Variants in HIBCH observed in about 807,000 individuals in gnomAD.
HIBCH encodes the protein 3-hydroxyisobutyryl-CoA hydrolase, also known as 3-hydroxyisobutyryl-CoA hydrolase, mitochondrial.
A neutral mutation model predicts 58.2 loss-of-function variants in HIBCH; 50 were observed. The observed-to-expected ratio is 0.86, with a 90% CI of 0.68 to 1.09. The LOEUF is 1.09. Among genes scored for constraint, HIBCH ranks in the 50% least tolerant of loss-of-function variants. The pLI is 0.00. For missense variants in HIBCH, 450 were observed against 449.7 expected, an observed-to-expected ratio of 1.00 and a Z score of -0.01; for synonymous variants, 151 against 146.9, an observed-to-expected ratio of 1.03 and a Z score of -0.20.
chr2:190,303,484 T>C (rs780011155), intron 2 of HIBCH, among the ~76,000 whole-genome samples: 1 of 148,572 alleles, frequency 6.7e-6, no homozygotes, highest in African/African-American at 2.5e-5. Context: ...ATGAAAGAAA[T>C]ACAAAAGCCA....
chr2:190,202,279 A>T (rs988942877), downstream of HIBCH: 1 of 167,008 alleles, frequency 6.0e-6, no homozygotes, highest in Non-Finnish European at 1.5e-5. Context: ...AATAGAGTAC[A>T]ATATCTTCTG....
In HIBCH at chr2:190,207,393, T is replaced by C. The variant is rs757617466; in HGVS notation, c.1045+1487A>G. ...AGAGAATTTGTGAGGAAAATGCCTATGTTACTTAGTTTCTACAAGACACAC... is the reference window on the plus strand; with the variant it reads ...AGAGAATTTGTGAGGAAAATGCCTACGTTACTTAGTTTCTACAAGACACAC... On this transcript the variant is annotated intron_variant, in intron 13 of 13. Transcript: ENST00000359678. The surrounding 1 kb of genome is among the most constrained non-coding windows in gnomAD (Gnocchi z 4.5). Among the ~76,000 whole-genome samples, 1 of 152,178 alleles carries C rather than the reference T, an allele frequency of 6.6e-6. No individual in the cohort carries two copies. The highest frequency in any genetic ancestry group is 1.5e-5 in the Non-Finnish European group (1 of 68,038).
Position 190,205,012 on chromosome 2 carries a change from T to G in HIBCH, c.*105A>C. 2 of 704,190 alleles carry G rather than the reference T, an allele frequency of 2.8e-6. No individual in the cohort carries two copies. The highest frequency in any genetic ancestry group is 3.1e-5 in the South Asian group (2 of 64,458). The allele number at this position is 704,190 out of a possible 1,614,324, so 43.6% of individuals were successfully genotyped here. ...CAACCATTTAAAAATGCGGAAACCA[T>G]TCTTAGCTTACAGGGTATATAAAAA... On this transcript the variant is annotated 3_prime_UTR_variant, in exon 14 of 14. Transcript: ENST00000359678.
chr2:190,251,337 A>G (rs1020282041), intron 8 of HIBCH, among the ~76,000 whole-genome samples: 3 of 152,174 alleles, frequency 2.0e-5, no homozygotes, highest in African/African-American at 7.2e-5. Flanking sequence ...ATTGAAGGAC[A>G]GAGTGTGCAT....
chr2:190,251,673 T>G, intron 8 of HIBCH: 1 of 215,160 alleles, frequency 4.6e-6, no homozygotes, highest in South Asian at 6.5e-5. Flanking sequence ...ATTGGCCACA[T>G]TGTTTTTTTT....
chr2:190,238,113 A>C lies in HIBCH; in HGVS notation c.891+6774T>G, dbSNP rs757025325. Among the ~76,000 whole-genome samples, 106 of 152,160 alleles carry C rather than the reference A, an allele frequency of 7.0e-4. 2 individuals are homozygous for C. The highest frequency in any genetic ancestry group is 4.3e-4 in the Non-Finnish European group (29 of 68,034). Reference sequence around the variant, plus strand: ...TGATTCCAAGTCTTTGCTATTGTAAATAGTGCTGCAATAAACATACATGTG... The same window carrying C: ...TGATTCCAAGTCTTTGCTATTGTAACTAGTGCTGCAATAAACATACATGTG... On this transcript the variant is annotated intron_variant, in intron 11 of 13. Transcript: ENST00000359678.
intron 9 of HIBCH, among the ~76,000 whole-genome samples, chr2:190,246,697 A>G (rs868615165): frequency 6.6e-6 from 1 of 152,228 alleles, no homozygotes; most frequent in South Asian, 2.1e-4. Flanking sequence ...ACAAAAACCA[A>G]TGCTAGCATG....
At chr2:190,256,063 C>T (rs1232652992) in intron 7 of HIBCH, among the ~76,000 whole-genome samples, 2 of 151,898 alleles carry the variant, frequency 1.3e-5, no homozygotes, top group Admixed American at 6.6e-5. Context: ...GGGAAGAGCC[C>T]CTTATAAAAC....
At chr2:190,212,693 C>A (rs1690540877) in intron 12 of HIBCH, among the ~76,000 whole-genome samples, 1 of 152,142 alleles carries the variant, frequency 6.6e-6, no homozygotes, top group Admixed American at 6.5e-5. Context: ...ACATTAATTT[C>A]TATTTTGAAT....
intron 11 of HIBCH, among the ~76,000 whole-genome samples, chr2:190,230,325 T>C (rs76002982): frequency 0.013 from 1,915 of 152,254 alleles, 47 homozygotes; most frequent in African/African-American, 0.042. Flanking sequence ...AAAGGAATCA[T>C]TACAGGTACC....
intron 6 of HIBCH, among the ~76,000 whole-genome samples, chr2:190,274,850 C>G (rs1049982947): frequency 2.0e-5 from 3 of 152,194 alleles, no homozygotes; most frequent in Non-Finnish European, 2.9e-5. Flanking sequence ...GAGTCTCTTG[C>G]AATTTGGTCA....
At chr2:190,309,189 G>C (rs1688492607) in intron 2 of HIBCH, among the ~76,000 whole-genome samples, 1 of 152,136 alleles carries the variant, frequency 6.6e-6, no homozygotes, top group South Asian at 2.1e-4. Context: ...AAAACTAAAA[G>C]AGCTTCAAGT....
At chr2:190,312,984 A>G (rs1688598159) in intron 1 of HIBCH, among the ~76,000 whole-genome samples, 1 of 152,254 alleles carries the variant, frequency 6.6e-6, no homozygotes, top group African/African-American at 2.4e-5. Flanking sequence ...CTGTAATCCC[A>G]GCTACTCAGG....
rs114686466 is a variant in HIBCH, at chr2:190,273,467, A to G, written c.439-12233T>C. Among the ~76,000 whole-genome samples the G allele has an allele frequency of 6.8e-3, 1,030 of 152,300 alleles. 13 individuals carry two copies. Among genetic ancestry groups the G allele is most frequent in the African/African-American group, 0.022 (935 of 41,566 alleles). Reference sequence around the variant, plus strand: ...CCCTAATAAGACAGAAGGAAATCTAAAAGAATCTCATCTGGGGATGAGAGG... The same window carrying G: ...CCCTAATAAGACAGAAGGAAATCTAGAAGAATCTCATCTGGGGATGAGAGG... On this transcript the variant is annotated intron_variant, in intron 6 of 13. Coordinates refer to ENST00000359678, the MANE Select transcript of HIBCH (RefSeq NM_014362.4).
chr2:190,253,840 T>A (rs976823303), intron 7 of HIBCH, among the ~76,000 whole-genome samples: 1 of 152,144 alleles, frequency 6.6e-6, no homozygotes, highest in African/African-American at 2.4e-5. Flanking sequence ...TCCCTAACAT[T>A]CTACACTCAT....
chr2:190,245,850 C>T (rs1686590064), intron 10 of HIBCH, among the ~76,000 whole-genome samples: 1 of 152,092 alleles, frequency 6.6e-6, no homozygotes, highest in Non-Finnish European at 1.5e-5. Flanking sequence ...GTTCGACAGG[C>T]ATGGTAGCAG....
At chr2:190,283,978 G>A (rs1464234227) in intron 6 of HIBCH, among the ~76,000 whole-genome samples, 1 of 152,204 alleles carries the variant, frequency 6.6e-6, no homozygotes, top group Non-Finnish European at 1.5e-5. Flanking sequence ...TACTTGGAGA[G>A]CTTGGCTTGT....
At chr2:190,312,140 C>T (rs1382897851) in intron 1 of HIBCH, among the ~76,000 whole-genome samples, 1 of 152,134 alleles carries the variant, frequency 6.6e-6, no homozygotes, top group African/African-American at 2.4e-5. Flanking sequence ...TTGAGAGAGG[C>T]ATGAGGAGGG....
intron 5 of HIBCH, among the ~76,000 whole-genome samples, chr2:190,289,481 T>C (rs891275090): frequency 6.6e-6 from 1 of 152,190 alleles, no homozygotes; most frequent in Non-Finnish European, 1.5e-5. Context: ...TAAAAATTAA[T>C]GACAATGGTT....
Sources: allele counts gnomAD v4.1 joint callset (sites outside exome capture counted in the v4.1 genomes callset), GRCh38; gene constraint gnomAD v4.1.1; non-coding constraint Gnocchi (gnomAD v3.1); transcripts MANE v1.5; gene names NCBI Gene and HGNC (gene_info 2026-07-23, HGNC 2026-07-21).